The following AFF4 variants were observed in gnomAD, a reference collection of about 807,000 sequenced individuals.
AFF4 encodes AF4/FMR2 family member 4.
In AFF4, 13 loss-of-function variants were observed where a neutral mutation model predicts 124.8. That is an observed-to-expected ratio of 0.10 (90% CI 0.07 to 0.17). The LOEUF (loss-of-function observed/expected upper bound fraction) is 0.17. AFF4 is among the 10% of genes least tolerant of loss of function. AFF4 has a pLI of 1.00. For missense variants in AFF4, 1,092 were observed against 1,403.8 expected (o/e 0.78, Z 3.55); for synonymous variants, 477 against 496.1 (o/e 0.96, Z 0.51).
intron 9 of AFF4, 69 bp from the exon 10 acceptor site, chr5:132,898,461 G>A (rs1760466611): frequency 1.5e-6 from 2 of 1,323,740 alleles, no homozygotes; most frequent in Admixed American, 3.3e-5. Flanking sequence ...CATCCAAATC[G>A]ACAACCAACT....
At position 132,883,431 on chromosome 5, in the gene AFF4, C is replaced by A. The variant is rs1218946760; in HGVS notation, c.3273G>T (p.Gln1091His). ...TGACCTGAACATAGCTGGCTGCCAT[C>A]TGGTGGATCTTCTGTGGAATGGTCA... ...SSVTIPQKIHQMAASYVQVTS... is the reference protein window; with the variant it reads ...SSVTIPQKIHHMAASYVQVTS... Residue 1091 changes from glutamine to histidine, a missense_variant, in exon 20 of 21, where the codon CAG (glutamine) becomes CAT (histidine). By Grantham distance (24) the Gln-to-His change is conservative. Around this residue, in one of 11 missense-constraint regions of AFF4, gnomAD observed 173 missense variants for 294.9 expected, o/e 0.59. Coordinates refer to ENST00000265343, the MANE Select transcript of AFF4 (RefSeq NM_014423.4). The A allele has an allele frequency of 6.2e-7, 1 of 1,613,986 alleles. No individual in the cohort carries two copies. Among genetic ancestry groups the A allele is most frequent in the Non-Finnish European group, 8.5e-7 (1 of 1,180,046 alleles).
chr5:132,942,470 T>C (rs1377856207), intron 1 of AFF4, among the ~76,000 whole-genome samples: 1 of 151,098 alleles, frequency 6.6e-6, no homozygotes, highest in African/African-American at 2.4e-5. Flanking sequence ...CTTTTTTTTT[T>C]TTTTTTTTTT....
intron 13 of AFF4, chr5:132,891,816 TA>T (rs398038055): frequency 5.5e-4 from 164 of 300,058 alleles, no homozygotes; most frequent in Middle Eastern, 3.8e-3. Flanking sequence ...TTTTTTTTTT[TA>T]AATTTTAAAG....
rs368526460 is a variant in AFF4, at chr5:132,892,413, C to A, written c.2397-9G>T. 1 of 1,605,144 alleles carries A rather than the reference C, an allele frequency of 6.2e-7. No individual in the cohort carries two copies. The highest frequency in any genetic ancestry group is 2.2e-5 in the East Asian group (1 of 44,722). ...CACTCTGCTTAGATGACCTGCCAAA[C>A]CAAACGAATGCCTTCATTTCTCCAC... On this transcript the variant is annotated splice_polypyrimidine_tract_variant and intron_variant, in intron 12 of 20. Coordinates refer to ENST00000265343, the MANE Select transcript of AFF4 (RefSeq NM_014423.4).
In AFF4 at chr5:132,937,119, C is replaced by T; in HGVS notation, c.71G>A (p.Gly24Asp). 1.9e-6 allele frequency: 3 copies of T among 1,613,968 alleles called. No homozygotes were observed. The highest frequency in any genetic ancestry group is 2.5e-6 in the Non-Finnish European group (3 of 1,179,982). ...RERRNQEIQQ[G>D]EDAFPPSSPL... ...AGAGCTAGGTGGGAAGGCGTCTTCG[C>T]CCTGCTGAATTTCCTGATTCCGCCT... The change falls in exon 2 of 21, where the codon GGC becomes GAC. Residue 24 changes from glycine to aspartate, a missense_variant. Physicochemically the swap from Gly to Asp is moderately conservative, Grantham distance 94. Coordinates refer to ENST00000265343, the MANE Select transcript of AFF4 (RefSeq NM_014423.4).
Position 132,879,758 on chromosome 5 carries a change from G to T in AFF4, c.*1301C>A, listed in dbSNP as rs1328983547. On this transcript the variant is annotated 3_prime_UTR_variant, in exon 21 of 21. Transcript: ENST00000265343. ...TTGATATACAACTCTTACAGAGCCA[G>T]CTTCTTTAAGCTCTACCCCTGGCTC... 1.4e-5 allele frequency: 3 copies of T among 221,048 alleles called. No homozygotes were observed. The highest frequency in any genetic ancestry group is 2.2e-5 in the African/African-American group (1 of 44,712). 13.7% of individuals were successfully genotyped at this position (221,048 alleles called of 1,614,324 possible).
At chr5:132,882,896 C>T (rs1276493699) in intron 20 of AFF4, among the ~76,000 whole-genome samples, 4 of 151,508 alleles carry the variant, frequency 2.6e-5, no homozygotes, top group Non-Finnish European at 4.4e-5. Context: ...CCCTAGTCTC[C>T]TTTATTTCAC....
chr5:132,879,102 C>T lies in AFF4; in HGVS notation c.*1957G>A, dbSNP rs1010074608. On this transcript the variant is annotated 3_prime_UTR_variant, in exon 21 of 21. Transcript: ENST00000265343. Reference sequence around the variant, plus strand: ...AGAAAGATATCAGAGGCAATTTCTCCAAGAGAAACAGGTTAAATTCAACAT... The same window carrying T: ...AGAAAGATATCAGAGGCAATTTCTCTAAGAGAAACAGGTTAAATTCAACAT... The T allele has an allele frequency of 1.8e-5, 4 of 220,814 alleles. No homozygotes were observed. Among genetic ancestry groups the T allele is most frequent in the African/African-American group, 9.0e-5 (4 of 44,610 alleles). The allele number at this position is 220,814 out of a possible 1,614,324, so 13.7% of individuals were successfully genotyped here. A position where few individuals can be genotyped will look rare whatever the true frequency, so the allele number is the denominator to read the frequency against.
chr5:132,934,437 A>G lies in AFF4; in HGVS notation c.628T>C (p.Ser210Pro). The G allele has an allele frequency of 6.2e-7, 1 of 1,614,046 alleles. No homozygotes were observed. Among genetic ancestry groups the G allele is most frequent in the Non-Finnish European group, 8.5e-7 (1 of 1,180,008 alleles). The change falls in exon 3 of 21, where the codon TCC becomes CCC. Residue 210 changes from serine to proline, a missense_variant. Transcript: ENST00000265343. Reference protein sequence around the residue: ...NDHHSKEHQRSKSPRDPDANW... With the variant: ...NDHHSKEHQRPKSPRDPDANW... ...GCATCAGGGTCCCGAGGTGATTTGG[A>G]GCGTTGATGTTCCTTGCTATGGTGA... is the stretch of plus-strand genomic sequence containing the variant.
rs67460003 is a variant in AFF4 at position 132,953,809 on chromosome 5, C to T, written c.-5+9450G>A. 6.6e-5 allele frequency among the ~76,000 whole-genome samples: 10 copies of T among 152,096 alleles called. No homozygotes were observed. The South Asian group carries it at 2.1e-3, about 32-fold the overall frequency. The stretch of plus-strand genomic sequence containing the variant: ...TCAAAACACACCACATTTTATCTTC[C>T]GCTTGAATAAACGCTACAGCCTTTC... On this transcript the variant is annotated intron_variant, in intron 1 of 20. Transcript: ENST00000265343.
intron 5 of AFF4, among the ~76,000 whole-genome samples, chr5:132,924,037 C>T (rs1477723121): frequency 3.3e-5 from 5 of 151,682 alleles, no homozygotes; most frequent in African/African-American, 1.2e-4. Context: ...AGGTGGATCA[C>T]GAGGTCGGGA....
intron 18 of AFF4, among the ~76,000 whole-genome samples, chr5:132,885,322 TG>T (rs1185369641): frequency 1.3e-5 from 2 of 151,738 alleles, no homozygotes; most frequent in African/African-American, 2.4e-5. Context: ...CTGGGTGTTC[TG>T]GAAGACTTCA....
chr5:132,934,052 G>A, intron 3 of AFF4, 95 bp downstream of exon 3: 3 of 1,333,126 alleles, frequency 2.3e-6, no homozygotes, highest in Non-Finnish European at 3.1e-6. Context: ...TTACTATTAA[G>A]GCAAGGAAGC....
chr5:132,886,601 A>G (rs1345567450), intron 17 of AFF4, among the ~76,000 whole-genome samples, 198 bp from the exon 18 acceptor site: 9 of 152,246 alleles, frequency 5.9e-5, no homozygotes, highest in Admixed American at 5.9e-4. Flanking sequence ...TAAGAAGCCT[A>G]GGACTAGGCT....
rs189543160 is a variant in AFF4, at chr5:132,909,492, A to T, written c.1051-5088T>A. The stretch of plus-strand genomic sequence containing the variant: ...GAAGGGGGTTTAATTATTTTTTAAA[A>T]ATACATTATGAAAAGATACATATAG... On this transcript the variant is annotated intron_variant, in intron 5 of 20. Coordinates refer to ENST00000265343, the MANE Select transcript of AFF4 (RefSeq NM_014423.4). Among the ~76,000 whole-genome samples, 517 of 152,278 alleles carry T rather than the reference A, an allele frequency of 3.4e-3. 2 individuals carry two copies. Among genetic ancestry groups the T allele is most frequent in the Admixed American group, 6.9e-3 (105 of 15,288 alleles).
At position 132,917,406 on chromosome 5, in the gene AFF4, C is replaced by T. The variant is rs555550531; in HGVS notation, c.1050+9715G>A. Among the ~76,000 whole-genome samples the T allele has an allele frequency of 9.2e-5, 14 of 152,272 alleles. No homozygotes were observed. The South Asian group carries it at 2.1e-3, about 23-fold the overall frequency. ...ACATCCACAAAAAGCCTGCAGCTAA[C>T]ATCACACTTAATAATGAAAGACTGG... On this transcript the variant is annotated intron_variant, in intron 5 of 20. Coordinates refer to ENST00000265343, the MANE Select transcript of AFF4 (RefSeq NM_014423.4).
At chr5:132,893,766 C>T (rs1581275450) in intron 11 of AFF4, among the ~76,000 whole-genome samples, 1 of 152,338 alleles carries the variant, frequency 6.6e-6, no homozygotes, top group East Asian at 1.9e-4. Flanking sequence ...GTGTGAGCCA[C>T]TGCACCCGGC....
chr5:132,945,797 G>A (rs1323760905), intron 1 of AFF4, among the ~76,000 whole-genome samples: 4 of 151,798 alleles, frequency 2.6e-5, no homozygotes. Flanking sequence ...ACGGTGGCTC[G>A]CGCCTGTAAT....
Position 132,934,631 on chromosome 5 carries a change from T to C in AFF4, c.434A>G (p.Asn145Ser). 6.2e-7 allele frequency: 1 copy of C among 1,614,154 alleles called. No individual in the cohort carries two copies. The highest frequency in any genetic ancestry group is 8.5e-7 in the Non-Finnish European group (1 of 1,180,018). The change falls in exon 3 of 21, where the codon AAC (asparagine) becomes AGC (serine). Residue 145 changes from asparagine (N) to serine (S), a missense_variant. Around this residue, in one of 11 missense-constraint regions of AFF4, gnomAD observed 188 missense variants for 203.0 expected, o/e 0.93. Transcript: ENST00000265343. ...RTSAGSSSGT[N>S]SSGQRHDRES... ...ACGGTCGTGCCTCTGACCACTACTGTTAGTGCCACTACTGCTACCTGCGCT... is the reference window on the plus strand; with the variant it reads ...ACGGTCGTGCCTCTGACCACTACTGCTAGTGCCACTACTGCTACCTGCGCT...
Sources: allele counts gnomAD v4.1 joint callset (sites outside exome capture counted in the v4.1 genomes callset), GRCh38; gene constraint gnomAD v4.1.1; regional missense constraint gnomAD v4.1.1; transcripts MANE v1.5; gene names NCBI Gene and HGNC (gene_info 2026-07-23, HGNC 2026-07-21).